Variants in GALNTL6 observed in about 807,000 individuals in gnomAD.
GALNTL6 encodes the protein polypeptide N-acetylgalactosaminyltransferase like 6.
GALNTL6 carries 46 observed loss-of-function variants against 73.7 expected under a neutral mutation model. The observed-to-expected ratio is 0.62, with a 90% CI of 0.49 to 0.80. GALNTL6 has a LOEUF of 0.80. GALNTL6 is among the 30% of genes least tolerant of loss of function. The pLI is 0.00. For synonymous variants in GALNTL6, 259 were observed against 263.7 expected, an observed-to-expected ratio of 0.98 and a Z score of 0.17; for missense variants, 604 against 755.0, an observed-to-expected ratio of 0.80 and a Z score of 2.34.
At chr4:172,639,119 G>T (rs1308612286) in intron 5 of GALNTL6, among the ~76,000 whole-genome samples, 1 of 152,092 alleles carries the variant, frequency 6.6e-6, no homozygotes, top group Non-Finnish European at 1.5e-5. Context: ...AGTTTTCTCT[G>T]TGTAACTAAT....
chr4:172,681,262 A>T (rs970949883), intron 5 of GALNTL6, among the ~76,000 whole-genome samples: 12 of 152,176 alleles, frequency 7.9e-5, no homozygotes, highest in African/African-American at 2.9e-4. Context: ...TCTTTGTAGT[A>T]TTCTTACTCT....
At chr4:171,916,656 G>A (rs941492208) in intron 2 of GALNTL6, among the ~76,000 whole-genome samples, 7 of 151,932 alleles carry the variant, frequency 4.6e-5, no homozygotes, top group African/African-American at 7.2e-5. Flanking sequence ...TCTATTCAGC[G>A]CTTCTTCATA....
At chr4:172,075,209 A>C (rs2110910196) in intron 2 of GALNTL6, among the ~76,000 whole-genome samples, 1 of 152,280 alleles carries the variant, frequency 6.6e-6, no homozygotes, top group Non-Finnish European at 1.5e-5. Flanking sequence ...ATAATGTATG[A>C]GCTACCTATC....
At chr4:172,912,901 T>C (rs1340391605) in intron 8 of GALNTL6, among the ~76,000 whole-genome samples, 2 of 152,210 alleles carry the variant, frequency 1.3e-5, no homozygotes, top group African/African-American at 4.8e-5. Context: ...GGTCTGAGAA[T>C]GAACAGACTG....
rs763394330 is a variant in GALNTL6 at position 171,989,118 on chromosome 4, G to C, written c.138+174400G>C. Among the ~76,000 whole-genome samples, 1,277 of 151,722 alleles carry C rather than the reference G, an allele frequency of 8.4e-3. 11 individuals carry two copies. The highest frequency in any genetic ancestry group is 0.015 in the Non-Finnish European group (1,024 of 67,702). On this transcript the variant is annotated intron_variant, in intron 2 of 12. Coordinates refer to ENST00000506823, the MANE Select transcript of GALNTL6 (RefSeq NM_001034845.3). ...AGGTTTAGAAGCCTGGCCGTCAATA[G>C]CACAACAGTTATGGAAGCAAGGGAA...
At chr4:172,413,728 C>T (rs335986) in intron 5 of GALNTL6, among the ~76,000 whole-genome samples, 136,642 of 151,310 alleles carry the variant, frequency 0.9, 61,771 homozygotes, top group African/African-American at 0.96. Context: ...TATAGATTAC[C>T]TGAAAGGGAA....
chr4:172,816,708 G>A (rs1741621685), intron 7 of GALNTL6, among the ~76,000 whole-genome samples: 1 of 152,106 alleles, frequency 6.6e-6, no homozygotes, highest in Non-Finnish European at 1.5e-5. Context: ...TTTACAAAGG[G>A]ATCCTGTTTT....
intron 2 of GALNTL6, among the ~76,000 whole-genome samples, chr4:171,847,445 T>C (rs2110854597): frequency 6.6e-6 from 1 of 152,302 alleles, no homozygotes; most frequent in East Asian, 1.9e-4. Flanking sequence ...GGGGTGGCTG[T>C]GTCAATTTCT....
intron 5 of GALNTL6, among the ~76,000 whole-genome samples, chr4:172,748,470 T>TA (rs572397350): frequency 7.3e-5 from 11 of 150,070 alleles, no homozygotes; most frequent in South Asian, 6.3e-4. Context: ...CAAGAATATA[T>TA]TTTTTTTTTC....
chr4:172,112,591 A>G (rs531094681), intron 2 of GALNTL6, among the ~76,000 whole-genome samples: 1 of 152,118 alleles, frequency 6.6e-6, no homozygotes, highest in African/African-American at 2.4e-5. Flanking sequence ...TGGCCATTCT[A>G]ATAGGTGTGT....
chr4:172,970,778 C>A (rs950551172), intron 10 of GALNTL6, among the ~76,000 whole-genome samples: 3 of 152,148 alleles, frequency 2.0e-5, no homozygotes, highest in African/African-American at 7.2e-5. Context: ...TAAAGACAGG[C>A]ATAAGAAATT....
chr4:171,962,060 C>T (rs940740110), intron 2 of GALNTL6, among the ~76,000 whole-genome samples: 1 of 152,134 alleles, frequency 6.6e-6, no homozygotes, highest in East Asian at 1.9e-4. Flanking sequence ...CTTTGACATA[C>T]CCATGCTTTC....
At chr4:171,823,551 CTG>C (rs1340278852) in intron 2 of GALNTL6, among the ~76,000 whole-genome samples, 1 of 141,906 alleles carries the variant, frequency 7.0e-6, no homozygotes. Context: ...AGTCTATAAA[CTG>C]TGAATATATA....
At chr4:172,920,781 G>A (rs1747750536) in intron 8 of GALNTL6, among the ~76,000 whole-genome samples, 1 of 152,118 alleles carries the variant, frequency 6.6e-6, no homozygotes, top group Non-Finnish European at 1.5e-5. Context: ...TCAGTTGTCT[G>A]GAATTAACCT....
chr4:172,176,208 C>T (rs920984869), intron 2 of GALNTL6, among the ~76,000 whole-genome samples: 6 of 151,504 alleles, frequency 4.0e-5, no homozygotes, highest in Admixed American at 6.6e-5. Flanking sequence ...GGCGAGGTGG[C>T]GGGCACCTGT....
At chr4:171,980,709 C>A (rs1479712370) in intron 2 of GALNTL6, among the ~76,000 whole-genome samples, 3 of 152,172 alleles carry the variant, frequency 2.0e-5, no homozygotes, top group Admixed American at 6.5e-5. Context: ...TCACCTCCAG[C>A]TCTGAAGTTG....
chr4:172,567,136 C>G (rs1339630195), intron 5 of GALNTL6, among the ~76,000 whole-genome samples: 1 of 151,888 alleles, frequency 6.6e-6, no homozygotes, highest in African/African-American at 2.4e-5. Context: ...ATGTCAGATG[C>G]AGCCCCCTAG....
intron 7 of GALNTL6, among the ~76,000 whole-genome samples, chr4:172,815,249 A>C (rs1741534568): frequency 6.6e-6 from 1 of 152,202 alleles, no homozygotes. Context: ...TACATCATAA[A>C]TATATACAAC....
intron 5 of GALNTL6, among the ~76,000 whole-genome samples, chr4:172,789,391 T>C (rs985006499): frequency 2.0e-5 from 3 of 152,246 alleles, no homozygotes; most frequent in African/African-American, 7.2e-5. Flanking sequence ...TCACAAACTT[T>C]CTTAAAATAT....
Sources: allele counts gnomAD v4.1 joint callset (sites outside exome capture counted in the v4.1 genomes callset), GRCh38; gene constraint gnomAD v4.1.1; transcripts MANE v1.5; gene names NCBI Gene and HGNC (gene_info 2026-07-23, HGNC 2026-07-21).